Variants in MPHOSPH8 observed in about 807,000 individuals in gnomAD.
MPHOSPH8 encodes M-phase phosphoprotein, mpp.
A neutral mutation model predicts 87.3 loss-of-function variants in MPHOSPH8; 45 were observed. That is an observed-to-expected ratio of 0.52 (90% CI 0.41 to 0.66). The LOEUF (loss-of-function observed/expected upper bound fraction) is 0.66. MPHOSPH8 is among the 30% of genes least tolerant of loss of function. The probability of loss-of-function intolerance (pLI) is 0.00; values close to 1 mark genes in which losing one functional copy is unlikely to be tolerated. For missense variants in MPHOSPH8, 883 were observed against 1,020.2 expected, an observed-to-expected ratio of 0.87 and a Z score of 1.83; for synonymous variants, 366 against 376.9, an observed-to-expected ratio of 0.97 and a Z score of 0.33.
At chr13:19,667,208 T>C (rs1238513886) in intron 10 of MPHOSPH8, among the ~76,000 whole-genome samples, 3 of 152,166 alleles carry the variant, frequency 2.0e-5, no homozygotes, top group Non-Finnish European at 2.9e-5. Flanking sequence ...CATTTGTCTT[T>C]CTTTTTAATA....
At position 19,647,056 on chromosome 13, in the gene MPHOSPH8, G is replaced by T; in HGVS notation, c.983G>T (p.Gly328Val). 6.2e-7 allele frequency: 1 copy of T among 1,606,722 alleles called. No individual in the cohort carries two copies. Among genetic ancestry groups the T allele is most frequent in the Non-Finnish European group, 8.5e-7 (1 of 1,178,172 alleles). ...GCTGAGGAGGATACCGATGTCAGAGGCAGGAGGAAAAAGAAGACCCCGAGA... is the reference window on the plus strand; with the variant it reads ...GCTGAGGAGGATACCGATGTCAGAGTCAGGAGGAAAAAGAAGACCCCGAGA... ...MSAEEDTDVRGRRKKKTPRKA... is the reference protein window; with the variant it reads ...MSAEEDTDVRVRRKKKTPRKA... Residue 328 changes from glycine (G) to valine (V), a missense_variant, in exon 3 of 14, where the codon GGC (glycine) becomes GTC (valine). Physicochemically the swap from Gly to Val is moderately radical, Grantham distance 109. Around this residue, in one of 3 missense-constraint regions of MPHOSPH8, gnomAD observed 741 missense variants for 841.5 expected, o/e 0.88. Transcript: ENST00000361479.
At position 19,646,939 on chromosome 13, in the gene MPHOSPH8, A is replaced by G. The variant is rs1161752271; in HGVS notation, c.866A>G (p.Glu289Gly). The G allele has an allele frequency of 5.6e-6, 9 of 1,592,950 alleles. No homozygotes were observed. The Admixed American group carries it at 1.7e-4, about 30-fold the overall frequency. ...GGGCTACATTCCGACAGCAGAGAAG[A>G]GAAACAAAACACTAAAAGTGCAAGA... is the stretch of plus-strand genomic sequence containing the variant. ...SEGLHSDSRE[E>G]KQNTKSARER... The change falls in exon 3 of 14, where the codon GAG becomes GGG. Residue 289 changes from glutamate to glycine, a missense_variant. By Grantham distance (98) the Glu-to-Gly change is moderately conservative. Around this residue, in one of 3 missense-constraint regions of MPHOSPH8, gnomAD observed 741 missense variants for 841.5 expected, o/e 0.88. Transcript: ENST00000361479.
intron 8 of MPHOSPH8, among the ~76,000 whole-genome samples, chr13:19,662,190 T>C (rs1875576371): frequency 6.6e-6 from 1 of 152,160 alleles, no homozygotes; most frequent in African/African-American, 2.4e-5. Flanking sequence ...CTGCCTGCCT[T>C]GGCCTCCCAA....
chr13:19,662,592 T>C (rs910535864), intron 8 of MPHOSPH8, among the ~76,000 whole-genome samples: 2 of 152,220 alleles, frequency 1.3e-5, no homozygotes, highest in Non-Finnish European at 2.9e-5. Flanking sequence ...AATGAATGGA[T>C]TTATCATCAG....
chr13:19,645,744 CAA>C (rs71092387), intron 2 of MPHOSPH8, among the ~76,000 whole-genome samples: 36 of 75,498 alleles, frequency 4.8e-4, no homozygotes, highest in Admixed American at 6.2e-4. Flanking sequence ...GACTCTGTCT[CAA>C]AAAAAAAAAA....
chr13:19,671,769 T>G (rs1203986987), intron 13 of MPHOSPH8, 65 bp from the exon 14 acceptor site: 9 of 1,518,492 alleles, frequency 5.9e-6, no homozygotes, highest in Non-Finnish European at 8.2e-6. Flanking sequence ...CATTTGTGGG[T>G]TTTTTCTTGT....
intron 1 of MPHOSPH8, among the ~76,000 whole-genome samples, chr13:19,635,440 A>T (rs7991039): frequency 0.038 from 5,798 of 152,266 alleles, 390 homozygotes; most frequent in African/African-American, 0.13. Flanking sequence ...AGGCAGGAGA[A>T]TTGCTTGAAC....
Position 19,659,025 on chromosome 13 carries a change from T to C in MPHOSPH8, c.1607T>C (p.Met536Thr). 6.2e-7 allele frequency: 1 copy of C among 1,614,116 alleles called. No homozygotes were observed. The highest frequency in any genetic ancestry group is 8.5e-7 in the Non-Finnish European group (1 of 1,180,012). Residue 536 changes from methionine (M) to threonine (T), a missense_variant, in exon 6 of 14, where the codon ATG becomes ACG. Met to Thr is a moderately conservative substitution (Grantham distance 81). Coordinates refer to ENST00000361479, the MANE Select transcript of MPHOSPH8 (RefSeq NM_017520.4). ...AGGCAGCAGATTCTGAGTTTGGGCA[T>C]GGACCTGCAGTTGGAATGGATGAAG... Reference protein sequence around the residue: ...DGRQQILSLGMDLQLEWMKLE... With the variant: ...DGRQQILSLGTDLQLEWMKLE...
At chr13:19,644,520 G>A (rs919940042) in intron 2 of MPHOSPH8, among the ~76,000 whole-genome samples, 1 of 152,150 alleles carries the variant, frequency 6.6e-6, no homozygotes, top group African/African-American at 2.4e-5. Flanking sequence ...CAGTCCTTAT[G>A]GTGATGTTTG....
At position 19,659,072 on chromosome 13, in the gene MPHOSPH8, C is replaced by T. The variant is rs1216203779; in HGVS notation, c.1654C>T (p.Leu552Phe). 1.9e-6 allele frequency: 3 copies of T among 1,613,976 alleles called. No individual in the cohort carries two copies. The highest frequency in any genetic ancestry group is 2.7e-5 in the African/African-American group (2 of 74,914). ...GAAGTTGGAAGATTTCCAAAAGCAC[C>T]TTGATGGGAAAGATGAGAATTTTGC... is the stretch of plus-strand genomic sequence containing the variant. ...WMKLEDFQKH[L>F]DGKDENFAAT... The change falls in exon 6 of 14, where the codon CTT becomes TTT. Residue 552 changes from leucine to phenylalanine, a missense_variant. Physicochemically the swap from Leu to Phe is conservative, Grantham distance 22. Coordinates refer to ENST00000361479, the MANE Select transcript of MPHOSPH8 (RefSeq NM_017520.4).
intron 10 of MPHOSPH8, among the ~76,000 whole-genome samples, chr13:19,668,061 T>A (rs1875913164): frequency 6.6e-6 from 1 of 152,256 alleles, no homozygotes; most frequent in South Asian, 2.1e-4. Context: ...TTCCCCTTTC[T>A]GATTTTCCAC....
chr13:19,669,457 T>C (rs1262786921), intron 11 of MPHOSPH8, among the ~76,000 whole-genome samples: 1 of 151,316 alleles, frequency 6.6e-6, no homozygotes, highest in East Asian at 1.9e-4. Context: ...CACTGACACC[T>C]ACAACTGCTG....
At chr13:19,644,580 C>G (rs1874472425) in intron 2 of MPHOSPH8, among the ~76,000 whole-genome samples, 1 of 152,226 alleles carries the variant, frequency 6.6e-6, no homozygotes, top group Non-Finnish European at 1.5e-5. Flanking sequence ...CCGGACGTCT[C>G]AAAGTGTGGA....
At chr13:19,634,736 CTTTG>C (rs771472149) in intron 1 of MPHOSPH8, among the ~76,000 whole-genome samples, 6 of 152,184 alleles carry the variant, frequency 3.9e-5, no homozygotes, top group East Asian at 1.9e-4. Context: ...CATTATCGTT[CTTTG>C]TTTGTCTCTC....
intron 2 of MPHOSPH8, among the ~76,000 whole-genome samples, chr13:19,643,435 C>G (rs927495097): frequency 6.6e-6 from 1 of 151,918 alleles, no homozygotes; most frequent in Non-Finnish European, 1.5e-5. Flanking sequence ...TTTCCAGAGA[C>G]AGGGTCTCTC....
chr13:19,671,735 C>A, intron 13 of MPHOSPH8, 99 bp from the exon 14 acceptor site: 2 of 1,083,834 alleles, frequency 1.8e-6, no homozygotes, highest in African/African-American at 1.6e-5. Flanking sequence ...AAAATATTGC[C>A]AAATAATAGA....
At chr13:19,664,395 TGA>T (rs916147746) in intron 9 of MPHOSPH8, among the ~76,000 whole-genome samples, 3 of 152,062 alleles carry the variant, frequency 2.0e-5, no homozygotes, top group Non-Finnish European at 4.4e-5. Context: ...ATTTAGAGCA[TGA>T]GAGAGGTGGG....
chr13:19,645,554 G>A lies in MPHOSPH8; in HGVS notation c.370-889G>A, dbSNP rs1387807594. ...TGGGAGGCCGAGAGGTCAGGGGTTC[G>A]AGACCAGCCTGGACAACATGATGAA... is the stretch of plus-strand genomic sequence containing the variant. On this transcript the variant is annotated intron_variant, in intron 2 of 13. Transcript: ENST00000361479. Among the ~76,000 whole-genome samples the A allele has an allele frequency of 6.6e-5, 10 of 152,128 alleles. No individual in the cohort carries two copies. The East Asian group carries it at 1.7e-3, about 26-fold the overall frequency.
At chr13:19,667,865 G>T (rs111750423) in intron 10 of MPHOSPH8, among the ~76,000 whole-genome samples, 2 of 152,116 alleles carry the variant, frequency 1.3e-5, no homozygotes, top group African/African-American at 4.8e-5. Context: ...AAACTTGCAT[G>T]TATCAGACAG....
Sources: allele counts gnomAD v4.1 joint callset (sites outside exome capture counted in the v4.1 genomes callset), GRCh38; gene constraint gnomAD v4.1.1; regional missense constraint gnomAD v4.1.1; transcripts MANE v1.5; gene names NCBI Gene and HGNC (gene_info 2026-07-23, HGNC 2026-07-21).